COL5A1: variants seen among roughly 807,000 people sequenced by gnomAD.
The protein encoded by COL5A1 is collagen alpha-1(V) chain.
In COL5A1, 16 loss-of-function variants were observed where a neutral mutation model predicts 263.7. The ratio of observed to expected loss-of-function variants is 0.06; its 90% CI spans 0.04 to 0.09. COL5A1 has a LOEUF of 0.09. Ranked by LOEUF, COL5A1 falls within the 10% of genes least tolerant of loss-of-function variation. The probability of loss-of-function intolerance (pLI) is 1.00; values close to 1 mark genes in which losing one functional copy is unlikely to be tolerated. For missense variants in COL5A1, 2,036 were observed against 2,540.5 expected, an observed-to-expected ratio of 0.80 and a Z score of 4.27; for synonymous variants, 1,012 against 1,004.5, an observed-to-expected ratio of 1.01 and a Z score of -0.14.
At chr9:134,804,912 T>C in intron 39 of COL5A1, 63 bp from the exon 40 acceptor site, 1 of 1,424,438 alleles carries the variant, frequency 7.0e-7, no homozygotes, top group Non-Finnish European at 9.9e-7. Flanking sequence ...GGCTTCGCTC[T>C]GGGGCTGGTG....
intron 9 of COL5A1, among the ~76,000 whole-genome samples, chr9:134,736,879 A>T (rs1835119680): frequency 6.6e-6 from 1 of 152,226 alleles, no homozygotes; most frequent in Admixed American, 6.5e-5. Flanking sequence ...AGGAAGTTCA[A>T]AACCCCACAG....
intron 11 of COL5A1, among the ~76,000 whole-genome samples, chr9:134,747,853 G>A (rs1299209602): frequency 8.4e-6 from 1 of 118,580 alleles, no homozygotes; most frequent in Non-Finnish European, 1.7e-5. Context: ...ATGCACACAT[G>A]CATTCATACA....
intron 16 of COL5A1, among the ~76,000 whole-genome samples, chr9:134,756,564 C>T (rs535240118): frequency 1.3e-5 from 2 of 152,214 alleles, no homozygotes; most frequent in Non-Finnish European, 2.9e-5. Flanking sequence ...TGTGTTCCAT[C>T]CGTTGGTGTG....
rs370547479 is a variant in COL5A1 at position 134,785,001 on chromosome 9, C to G, written c.2497C>G (p.Pro833Ala). 1.9e-6 allele frequency: 3 copies of G among 1,613,230 alleles called. No individual in the cohort carries two copies. Among genetic ancestry groups the G allele is most frequent in the Non-Finnish European group, 2.5e-6 (3 of 1,179,964 alleles). ...GIKGDRGEIG[P>A]PGPRGEDGPE... is the part of the protein sequence containing the mutation. ...TTCTGGCTTGCAGGGGGAGATCGGCCCACCCGGTCCCAGGGGAGAAGATGG... is the reference window on the plus strand; with the variant it reads ...TTCTGGCTTGCAGGGGGAGATCGGCGCACCCGGTCCCAGGGGAGAAGATGG... Residue 833 changes from proline (P) to alanine (A), a missense_variant, in exon 30 of 66, where the codon CCA becomes GCA. Coordinates refer to ENST00000371817, the MANE Select transcript of COL5A1 (RefSeq NM_000093.5).
chr9:134,709,144 C>T (rs769946251), intron 4 of COL5A1: 10 of 356,620 alleles, frequency 2.8e-5, no homozygotes, highest in African/African-American at 6.4e-5. Flanking sequence ...ACCCATCCCT[C>T]GGGGCCATGA....
At chr9:134,747,427 A>G (rs974535714) in intron 11 of COL5A1, among the ~76,000 whole-genome samples, 12 of 152,192 alleles carry the variant, frequency 7.9e-5, no homozygotes, top group African/African-American at 2.2e-4. Flanking sequence ...GCATGCATGC[A>G]CAGACACACA....
chr9:134,658,619 C>T (rs1038557874), intron 1 of COL5A1, among the ~76,000 whole-genome samples: 6 of 152,206 alleles, frequency 3.9e-5, no homozygotes, highest in South Asian at 2.1e-4. Context: ...GGCTATAGTC[C>T]GAGGGCAGTG....
chr9:134,733,306 C>A (rs575199534), intron 9 of COL5A1, among the ~76,000 whole-genome samples: 4 of 152,306 alleles, frequency 2.6e-5, no homozygotes, highest in Non-Finnish European at 5.9e-5. Flanking sequence ...CTTTGAAGCC[C>A]GTGGCCAGGG....
At chr9:134,777,833 C>G (rs1837108045) in intron 27 of COL5A1, among the ~76,000 whole-genome samples, 2 of 152,242 alleles carry the variant, frequency 1.3e-5, no homozygotes, top group African/African-American at 4.8e-5. Context: ...AAACCCAGTC[C>G]CCCAGGACTC....
chr9:134,816,028 CAG>C (rs1221542744), intron 52 of COL5A1, 40 bp downstream of exon 52: 12 of 1,604,354 alleles, frequency 7.5e-6, no homozygotes, highest in Non-Finnish European at 1.0e-5. Flanking sequence ...GTGGAGGTGT[CAG>C]TGTATTCTTG....
intron 1 of COL5A1, among the ~76,000 whole-genome samples, chr9:134,660,055 G>C (rs1832156685): frequency 6.6e-6 from 1 of 152,172 alleles, no homozygotes; most frequent in South Asian, 2.1e-4. Flanking sequence ...AACTGAGCTG[G>C]AATAGCATCA....
At chr9:134,768,091 A>C (rs766743068) in intron 24 of COL5A1, among the ~76,000 whole-genome samples, 1 of 152,196 alleles carries the variant, frequency 6.6e-6, no homozygotes, top group African/African-American at 2.4e-5. Flanking sequence ...AAGGCACAGC[A>C]CTGTAAGAGC....
At position 134,842,308 on chromosome 9, in the gene COL5A1, C is replaced by T. The variant is rs374334969; in HGVS notation, c.*5C>T. The T allele has an allele frequency of 8.1e-5, 131 of 1,613,940 alleles. No homozygotes were observed. Among genetic ancestry groups the T allele is most frequent in the African/African-American group, 1.6e-4 (12 of 74,940 alleles). On this transcript the variant is annotated 3_prime_UTR_variant, in exon 66 of 66. Transcript: ENST00000371817. This position sits in a 1 kb window ranked among gnomAD's most constrained non-coding sequence, Gnocchi z 5.8. Reference sequence around the variant, plus strand: ...CCGGCTTGCTTCATGGGCTAGGAGCCGCCGAGCCCGGGCTCCCGAGAGCAA... The same window carrying T: ...CCGGCTTGCTTCATGGGCTAGGAGCTGCCGAGCCCGGGCTCCCGAGAGCAA...
intron 1 of COL5A1, among the ~76,000 whole-genome samples, chr9:134,668,800 T>C (rs1322221927): frequency 6.6e-6 from 1 of 152,066 alleles, no homozygotes; most frequent in African/African-American, 2.4e-5. Context: ...ACCCATTCAC[T>C]GTTCATCCAC....
chr9:134,748,346 T>C (rs1344040431), intron 11 of COL5A1, among the ~76,000 whole-genome samples: 2 of 151,484 alleles, frequency 1.3e-5, no homozygotes, highest in African/African-American at 2.4e-5. Flanking sequence ...CATTCACACA[T>C]TCACACACAT....
At chr9:134,713,657 GA>G (rs1004627537) in intron 4 of COL5A1, among the ~76,000 whole-genome samples, 2 of 152,172 alleles carry the variant, frequency 1.3e-5, no homozygotes, top group African/African-American at 4.8e-5. Flanking sequence ...TGTTTTATAT[GA>G]AAAAAACTTA....
intron 1 of COL5A1, among the ~76,000 whole-genome samples, chr9:134,662,337 G>C (rs569877758): frequency 6.6e-6 from 1 of 152,158 alleles, no homozygotes; most frequent in Non-Finnish European, 1.5e-5. Flanking sequence ...TGAGGGCTTC[G>C]CACATTCTTC....
At chr9:134,699,775 C>T (rs1833603549) in intron 2 of COL5A1, 134 bp from the exon 3 acceptor site, 3 of 833,952 alleles carry the variant, frequency 3.6e-6, no homozygotes, top group Non-Finnish European at 6.0e-6. Flanking sequence ...GGCAGATGTG[C>T]AGCAGATGGC....
At chr9:134,784,902 C>A in intron 29 of COL5A1, 87 bp from the exon 30 acceptor site, 1 of 1,128,666 alleles carries the variant, frequency 8.9e-7, no homozygotes, top group Non-Finnish European at 1.3e-6. Flanking sequence ...TGTGACCTGT[C>A]CCCTTGCTCC....
Sources: gnomAD v4.1 joint callset for allele counts (sites outside exome capture counted in the v4.1 genomes callset) on GRCh38, gnomAD v4.1.1 for gene constraint, Gnocchi (gnomAD v3.1) non-coding constraint, MANE v1.5 for transcripts, NCBI Gene and HGNC (gene_info 2026-07-23, HGNC 2026-07-21) for gene names.